Variants in RABGAP1L observed in about 807,000 individuals in gnomAD.
RABGAP1L encodes the protein RAB GTPase activating protein 1 like, also known as rab GTPase-activating protein 1-like.
Under a neutral mutation model 137.7 loss-of-function variants are expected in RABGAP1L, and 63 were observed. That is an observed-to-expected ratio of 0.46 (90% CI 0.37 to 0.56). The LOEUF (loss-of-function observed/expected upper bound fraction) is 0.56. RABGAP1L is among the 20% of genes least tolerant of loss of function. The probability of loss-of-function intolerance (pLI) is 0.00; values close to 1 mark genes in which losing one functional copy is unlikely to be tolerated. For missense variants in RABGAP1L, 1,095 were observed against 1,244.0 expected, an observed-to-expected ratio of 0.88 and a Z score of 1.80; for synonymous variants, 431 against 433.7, an observed-to-expected ratio of 0.99 and a Z score of 0.08.
At chr1:174,931,196 T>TA in intron 19 of RABGAP1L, among the ~76,000 whole-genome samples, 1 of 152,356 alleles carries the variant, frequency 6.6e-6, no homozygotes, top group Non-Finnish European at 1.5e-5. Context: ...GATATTTTCT[T>TA]ATATGATGAA....
chr1:174,977,965 ATAAT>A (rs1187416432), intron 22 of RABGAP1L, among the ~76,000 whole-genome samples: 1 of 152,212 alleles, frequency 6.6e-6, no homozygotes, highest in African/African-American at 2.4e-5. Context: ...TACGCCATTA[ATAAT>A]TTGGGATGCT....
intron 18 of RABGAP1L, among the ~76,000 whole-genome samples, chr1:174,801,616 G>A (rs1346954009): frequency 6.6e-6 from 1 of 152,088 alleles, no homozygotes; most frequent in Non-Finnish European, 1.5e-5. Context: ...ATTATAGGGG[G>A]GATATTTTTG....
intron 18 of RABGAP1L, among the ~76,000 whole-genome samples, chr1:174,779,286 T>C (rs1438268253): frequency 6.6e-6 from 1 of 152,236 alleles, no homozygotes; most frequent in Non-Finnish European, 1.5e-5. Flanking sequence ...CTTTAAAGGA[T>C]GATTCTAAAC....
chr1:174,854,671 C>A (rs957625149), intron 19 of RABGAP1L, among the ~76,000 whole-genome samples: 1 of 113,646 alleles, frequency 8.8e-6, no homozygotes, highest in African/African-American at 3.4e-5. Flanking sequence ...GAAAAAAAAA[C>A]TTTTACCTTT....
At chr1:174,517,121 C>T (rs1007504290) in intron 13 of RABGAP1L, among the ~76,000 whole-genome samples, 9 of 151,758 alleles carry the variant, frequency 5.9e-5, no homozygotes. Flanking sequence ...GGGAAAAGCT[C>T]AGATACAGAC....
intron 19 of RABGAP1L, among the ~76,000 whole-genome samples, chr1:174,914,229 C>T (rs927368018): frequency 1.3e-5 from 2 of 152,206 alleles, no homozygotes; most frequent in Non-Finnish European, 2.9e-5. Flanking sequence ...TCTGCCTCCT[C>T]TCAAGCTGCT....
chr1:174,305,262 A>C (rs919498349), intron 11 of RABGAP1L, 135 bp downstream of exon 11: 1 of 884,194 alleles, frequency 1.1e-6, no homozygotes, highest in African/African-American at 1.8e-5. Context: ...AAATTCTACA[A>C]GGTGCAGAAA....
chr1:174,685,545 G>A (rs895551858), intron 15 of RABGAP1L, among the ~76,000 whole-genome samples: 29 of 103,438 alleles, frequency 2.8e-4, no homozygotes, highest in African/African-American at 1.5e-3. Flanking sequence ...GAGCCACCGC[G>A]CCGGCCTTTA....
chr1:174,944,026 T>C (rs1666326483), intron 19 of RABGAP1L, among the ~76,000 whole-genome samples: 1 of 152,006 alleles, frequency 6.6e-6, no homozygotes, highest in Admixed American at 6.6e-5. Context: ...ATCCCAGCAC[T>C]ATGGAAGGCT....
Position 174,993,706 on chromosome 1 carries a change from GC to G in RABGAP1L, c.*3709del, listed in dbSNP as rs1574099624. Reference sequence around the variant, plus strand: ...CTTAGGTACCTGCCTGATTAGGGGGGCCCCTTTAAGGGAAAAAACTTTTAAA... The same window carrying G: ...CTTAGGTACCTGCCTGATTAGGGGGGCCCTTTAAGGGAAAAAACTTTTAAA... On this transcript the variant is annotated 3_prime_UTR_variant, in exon 26 of 26. Coordinates refer to ENST00000681986, the MANE Select transcript of RABGAP1L (RefSeq NM_001366446.1). 1.3e-5 allele frequency: 2 copies of G among 152,186 alleles called. No homozygotes were observed. The highest frequency in any genetic ancestry group is 6.5e-5 in the Admixed American group (1 of 15,282). 9.4% of individuals were successfully genotyped at this position (152,186 alleles called of 1,614,324 possible). A position where few individuals can be genotyped will look rare whatever the true frequency, so the allele number is the denominator to read the frequency against.
intron 19 of RABGAP1L, among the ~76,000 whole-genome samples, chr1:174,873,510 A>ATT (rs11339447): frequency 2.2e-5 from 3 of 135,958 alleles, no homozygotes; most frequent in African/African-American, 2.7e-5. Flanking sequence ...AGTTGAGATA[A>ATT]TTTTTTTTTT....
chr1:174,467,586 G>A (rs1327481837), intron 13 of RABGAP1L, among the ~76,000 whole-genome samples: 2 of 152,010 alleles, frequency 1.3e-5, no homozygotes, highest in Non-Finnish European at 2.9e-5. Context: ...AAATAACAGA[G>A]CTACTGTATG....
intron 11 of RABGAP1L, among the ~76,000 whole-genome samples, chr1:174,318,612 C>CTTTCTT (rs1558127898): frequency 2.8e-5 from 4 of 145,056 alleles, no homozygotes; most frequent in African/African-American, 1.0e-4. Flanking sequence ...TTCTTTCTTT[C>CTTTCTT]TTTCTTTCTT....
chr1:174,872,287 T>A (rs1652328807), intron 19 of RABGAP1L, among the ~76,000 whole-genome samples: 1 of 152,208 alleles, frequency 6.6e-6, no homozygotes, highest in Non-Finnish European at 1.5e-5. Context: ...TACCTTTGCA[T>A]AATTTTAAAG....
chr1:174,559,518 C>G (rs770213226), intron 13 of RABGAP1L, among the ~76,000 whole-genome samples: 3 of 152,196 alleles, frequency 2.0e-5, no homozygotes, highest in Non-Finnish European at 2.9e-5. Context: ...TTAAAACATT[C>G]TCTCAATGGA....
intron 11 of RABGAP1L, among the ~76,000 whole-genome samples, chr1:174,355,399 T>A (rs1683544077): frequency 7.2e-6 from 1 of 139,636 alleles, no homozygotes; most frequent in South Asian, 2.2e-4. Context: ...CACTCATAGG[T>A]GGGAATTGAA....
Position 174,618,806 on chromosome 1 carries a change from T to C in RABGAP1L, c.1711-18569T>C, listed in dbSNP as rs1027574050. On this transcript the variant is annotated intron_variant, in intron 13 of 25. Coordinates refer to ENST00000681986, the MANE Select transcript of RABGAP1L (RefSeq NM_001366446.1). ...CTGGATGGAGAATGACTTTGACGAG[T>C]TGAGAGAAGAAGGCTTCAGACGATC... Among the ~76,000 whole-genome samples the C allele has an allele frequency of 3.3e-5, 5 of 151,970 alleles. No individual in the cohort carries two copies. In the South Asian group the frequency reaches 1.0e-3, roughly 32 times the overall value.
intron 10 of RABGAP1L, among the ~76,000 whole-genome samples, chr1:174,285,520 GTT>G (rs371710435): frequency 5.7e-5 from 8 of 140,866 alleles, no homozygotes; most frequent in East Asian, 2.0e-4. Context: ...TGTTCTAACC[GTT>G]TTTTTTTTTT....
intron 13 of RABGAP1L, among the ~76,000 whole-genome samples, chr1:174,403,208 A>AGTGTGT (rs201238291): frequency 0.065 from 8,285 of 126,512 alleles, 315 homozygotes; most frequent in East Asian, 0.15. Context: ...TATATATGAG[A>AGTGTGT]GTGTGTGTGT....
Sources: gnomAD v4.1 joint callset for allele counts (sites outside exome capture counted in the v4.1 genomes callset) on GRCh38, gnomAD v4.1.1 for gene constraint, MANE v1.5 for transcripts, NCBI Gene and HGNC (gene_info 2026-07-23, HGNC 2026-07-21) for gene names.